SUCNR1: variants seen among roughly 807,000 people sequenced by gnomAD.
The protein encoded by SUCNR1 is succinate receptor 1, also known as G-protein coupled receptor 91.
SUCNR1 carries 5 observed loss-of-function variants against 2.4 expected under a neutral mutation model. That is an observed-to-expected ratio of 2.07 (90% CI 1.08 to 4.36). The LOEUF is 4.36. Among genes scored for constraint, SUCNR1 ranks in the 30% most tolerant of loss-of-function variants. SUCNR1 has a pLI of 0.00. For missense variants in SUCNR1, 373 were observed against 399.2 expected (o/e 0.93, Z 0.56); for synonymous variants, 162 against 143.9 (o/e 1.13, Z -0.90).
In SUCNR1 at chr3:151,883,484, ATATATATATATATATATATATG is replaced by A. The variant is rs892348932; in HGVS notation, c.*1939_*1960del. The A allele has an allele frequency of 8.8e-5, 12 of 135,950 alleles. No homozygotes were observed. The highest frequency in any genetic ancestry group is 4.5e-4 in the South Asian group (2 of 4,396). The allele number at this position is 135,950 out of a possible 1,614,324, so 8.4% of individuals were successfully genotyped here. Reference sequence around the variant, plus strand: ...AACTCACATATATATATATATATATATATATATATATATATATATATGTACCTTGTAAACAAGAGGTTAAGAA... The same window carrying A: ...AACTCACATATATATATATATATATATACCTTGTAAACAAGAGGTTAAGAA... On this transcript the variant is annotated 3_prime_UTR_variant, in exon 3 of 3. Transcript: ENST00000362032.
At chr3:151,875,591 T>C (rs1717901755) in intron 1 of SUCNR1, among the ~76,000 whole-genome samples, 1 of 152,116 alleles carries the variant, frequency 6.6e-6, no homozygotes, top group African/African-American at 2.4e-5. Context: ...CAGGTAAATA[T>C]TAAAATGTAA....
intron 1 of SUCNR1, 146 bp from the exon 2 acceptor site, chr3:151,879,706 A>T (rs1055507663): frequency 1.7e-5 from 7 of 420,288 alleles, no homozygotes; most frequent in Non-Finnish European, 8.5e-6. Context: ...CATATTTTGA[A>T]TTTTTAAAAA....
chr3:151,878,692 A>T (rs1297913124), intron 1 of SUCNR1, among the ~76,000 whole-genome samples: 1 of 152,162 alleles, frequency 6.6e-6, no homozygotes, highest in Non-Finnish European at 1.5e-5. Context: ...AATTGGACTT[A>T]GTGGCAGGTT....
At chr3:151,877,124 G>T (rs1717947885) in intron 1 of SUCNR1, among the ~76,000 whole-genome samples, 1 of 152,100 alleles carries the variant, frequency 6.6e-6, no homozygotes, top group Non-Finnish European at 1.5e-5. Flanking sequence ...GACAAAAACA[G>T]CAGTGAAAAG....
intron 1 of SUCNR1, among the ~76,000 whole-genome samples, chr3:151,874,142 A>AT (rs1559855953): frequency 6.0e-4 from 32 of 53,152 alleles, no homozygotes; most frequent in East Asian, 2.5e-3. Context: ...ATATATATAT[A>AT]TATATTTTTT....
chr3:151,880,483 A>G (rs1403701554), intron 2 of SUCNR1, 76 bp from the exon 3 acceptor site: 9 of 1,079,898 alleles, frequency 8.3e-6, no homozygotes, highest in Non-Finnish European at 1.2e-5. Context: ...GTTTTTCATT[A>G]TTATTATGTT....
intron 1 of SUCNR1, among the ~76,000 whole-genome samples, chr3:151,876,698 A>G (rs1422496518): frequency 1.3e-5 from 2 of 151,998 alleles, no homozygotes; most frequent in Non-Finnish European, 2.9e-5. Flanking sequence ...TACAGCTACT[A>G]CTACTACAAT....
chr3:151,878,611 C>T (rs963363137), intron 1 of SUCNR1, among the ~76,000 whole-genome samples: 1 of 152,038 alleles, frequency 6.6e-6, no homozygotes, highest in African/African-American at 2.4e-5. Flanking sequence ...AGAGTGAAAC[C>T]CATCTGCTTT....
At chr3:151,878,168 G>A (rs925377570) in intron 1 of SUCNR1, among the ~76,000 whole-genome samples, 3 of 152,130 alleles carry the variant, frequency 2.0e-5, no homozygotes, top group Admixed American at 2.0e-4. Flanking sequence ...AAAGGGAATG[G>A]GGTGTCGAGA....
chr3:151,875,351 G>C (rs1717891359), intron 1 of SUCNR1, among the ~76,000 whole-genome samples: 1 of 151,866 alleles, frequency 6.6e-6, no homozygotes, highest in African/African-American at 2.4e-5. Context: ...TATGTTTATA[G>C]AATTGCGATG....
chr3:151,876,249 A>G (rs1237426924), intron 1 of SUCNR1, among the ~76,000 whole-genome samples: 1 of 152,146 alleles, frequency 6.6e-6, no homozygotes, highest in Non-Finnish European at 1.5e-5. Context: ...AAATGGAGAA[A>G]GGAGGAAAAC....
At chr3:151,875,242 A>G (rs947408130) in intron 1 of SUCNR1, among the ~76,000 whole-genome samples, 10 of 152,134 alleles carry the variant, frequency 6.6e-5, no homozygotes, top group Admixed American at 6.5e-4. Flanking sequence ...CTAAAAATTA[A>G]GAATATAGCC....
chr3:151,875,301 C>T (rs1008457642), intron 1 of SUCNR1, among the ~76,000 whole-genome samples: 9 of 152,080 alleles, frequency 5.9e-5, no homozygotes, highest in African/African-American at 2.2e-4. Context: ...GGAATTTTCT[C>T]TTTAATTGGG....
chr3:151,877,365 G>A (rs1378140990), intron 1 of SUCNR1, among the ~76,000 whole-genome samples: 1 of 152,130 alleles, frequency 6.6e-6, no homozygotes, highest in African/African-American at 2.4e-5. Context: ...CTGATTTTGA[G>A]TTGTAGTTTT....
intron 1 of SUCNR1, among the ~76,000 whole-genome samples, chr3:151,878,327 T>C (rs1172703211): frequency 6.6e-6 from 1 of 152,034 alleles, no homozygotes; most frequent in Non-Finnish European, 1.5e-5. Context: ...AAAGAGGACA[T>C]GAAGACTGAC....
intron 1 of SUCNR1, among the ~76,000 whole-genome samples, chr3:151,876,673 A>G (rs2108064857): frequency 6.6e-6 from 1 of 152,160 alleles, no homozygotes. Flanking sequence ...GCCTTATACA[A>G]ATGTGTTTCT....
At position 151,881,385 on chromosome 3, in the gene SUCNR1, G is replaced by A. The variant is rs142852744; in HGVS notation, c.842G>A (p.Arg281Gln). Residue 281 changes from arginine to glutamine, a missense_variant, in exon 3 of 3, where the codon CGG becomes CAG. Transcript: ENST00000362032. The part of the protein sequence containing the change: ...VVINSFYIVT[R>Q]PLAFLNSVIN... ...ATCAACTCCTTTTACATTGTGACAC[G>A]GCCTTTGGCCTTTCTGAACAGTGTC... is the stretch of plus-strand genomic sequence containing the variant. 4.6e-5 allele frequency: 75 copies of A among 1,614,130 alleles called. No homozygotes were observed. In the African/African-American group the frequency reaches 7.7e-4, roughly 17 times the overall value.
At position 151,879,843 on chromosome 3, in the gene SUCNR1, C is replaced by G. The variant is rs1165603423; in HGVS notation, c.-41-9C>G. ...CTGAAGTTCTAAAAATTCTTATTTC[C>G]TCTTCTAGGTTATGGTTTAACTCAG... On this transcript the variant is annotated splice_polypyrimidine_tract_variant and intron_variant, in intron 1 of 2. Transcript: ENST00000362032. The G allele has an allele frequency of 1.4e-6, 2 of 1,394,258 alleles. No individual in the cohort carries two copies. Among genetic ancestry groups the G allele is most frequent in the Non-Finnish European group, 1.9e-6 (2 of 1,042,822 alleles). The allele number at this position is 1,394,258 out of a possible 1,614,324, so 86.4% of individuals were successfully genotyped here.
At chr3:151,877,095 G>C (rs946437239) in intron 1 of SUCNR1, among the ~76,000 whole-genome samples, 1 of 152,094 alleles carries the variant, frequency 6.6e-6, no homozygotes, top group African/African-American at 2.4e-5. Context: ...ACAAATATGT[G>C]ATGGGCCAGG....
Sources: allele counts gnomAD v4.1 joint callset (sites outside exome capture counted in the v4.1 genomes callset), GRCh38; gene constraint gnomAD v4.1.1; transcripts MANE v1.5; gene names NCBI Gene and HGNC (gene_info 2026-07-23, HGNC 2026-07-21).